The following SLC17A8 variants were observed in gnomAD, a reference collection of about 807,000 sequenced individuals.
The protein encoded by SLC17A8 is solute carrier family 17 member 8.
SLC17A8 carries 31 observed loss-of-function variants against 58.0 expected under a neutral mutation model. The observed-to-expected ratio is 0.53, with a 90% CI of 0.40 to 0.72. The LOEUF (loss-of-function observed/expected upper bound fraction) is 0.72. Among genes scored for constraint, SLC17A8 ranks in the 30% least tolerant of loss-of-function variants. The pLI is 0.00. For missense variants in SLC17A8, 655 were observed against 727.8 expected, an observed-to-expected ratio of 0.90 and a Z score of 1.15; for synonymous variants, 228 against 249.0, an observed-to-expected ratio of 0.92 and a Z score of 0.79.
chr12:100,402,812 G>T, intron 8 of SLC17A8, 67 bp downstream of exon 8: 2 of 1,463,256 alleles, frequency 1.4e-6, no homozygotes, highest in Non-Finnish European at 1.9e-6. Context: ...GAATAACTTT[G>T]TATGATAAAA....
At position 100,357,497 on chromosome 12, in the gene SLC17A8, A is replaced by C. The variant is rs369918682; in HGVS notation, c.101+5A>C. The C allele has an allele frequency of 1.3e-6, 2 of 1,575,020 alleles. No homozygotes were observed. Among genetic ancestry groups the C allele is most frequent in the African/African-American group, 1.3e-5 (1 of 74,084 alleles). ...TTCTTTGGGAATTTTACAAAGGTAA[A>C]GTTTGAATGCGAACTTTAGTTCCTT... On this transcript the variant is annotated splice_donor_5th_base_variant and intron_variant, in intron 1 of 11. Coordinates refer to ENST00000323346, the MANE Select transcript of SLC17A8 (RefSeq NM_139319.3).
At position 100,404,030 on chromosome 12, in the gene SLC17A8, C is replaced by A. The variant is rs374939585; in HGVS notation, c.1054-8C>A. On this transcript the variant is annotated splice_polypyrimidine_tract_variant and splice_region_variant and intron_variant, in intron 8 of 11. Coordinates refer to ENST00000323346, the MANE Select transcript of SLC17A8 (RefSeq NM_139319.3). The stretch of plus-strand genomic sequence containing the variant: ...TGACAAACTGCTTACTGTTTCTTTC[C>A]CTTCCAGGTGGGTCTCTTGTCAGCA... The A allele has an allele frequency of 1.7e-5, 27 of 1,613,958 alleles. No individual in the cohort carries two copies. The African/African-American group carries it at 3.6e-4, about 22-fold the overall frequency.
chr12:100,369,702 T>G (rs1170929296), intron 1 of SLC17A8, among the ~76,000 whole-genome samples: 1 of 152,248 alleles, frequency 6.6e-6, no homozygotes, highest in African/African-American at 2.4e-5. Context: ...TATTTTGTTT[T>G]GTTTTTGCTG....
chr12:100,418,243 C>T, intron 11 of SLC17A8, 87 bp downstream of exon 11: 2 of 1,534,036 alleles, frequency 1.3e-6, no homozygotes, highest in Non-Finnish European at 1.8e-6. Flanking sequence ...CTACTGCAGT[C>T]TGTAAATGTG....
At position 100,422,030 on chromosome 12, in the gene SLC17A8, TAAAATAA is replaced by T. The variant is rs1952953940; in HGVS notation, c.*1884_*1890del. 1 of 152,178 alleles carries T rather than the reference TAAAATAA, an allele frequency of 6.6e-6. No homozygotes were observed. The highest frequency in any genetic ancestry group is 1.5e-5 in the Non-Finnish European group (1 of 68,022). 9.4% of individuals were successfully genotyped at this position (152,178 alleles called of 1,614,324 possible). ...TGTGAAAGTTGTGCTGTTTTCTAAG[TAAAATAA>T]AAAATAAAAAATTAGCAATTTATGA... On this transcript the variant is annotated 3_prime_UTR_variant, in exon 12 of 12. Transcript: ENST00000323346.
chr12:100,391,619 T>C (rs900974942), intron 3 of SLC17A8, among the ~76,000 whole-genome samples: 11 of 152,284 alleles, frequency 7.2e-5, no homozygotes, highest in Non-Finnish European at 1.0e-4. Context: ...AGAGTTTCTT[T>C]TTATTTCGTT....
intron 1 of SLC17A8, among the ~76,000 whole-genome samples, chr12:100,359,331 G>A (rs907091636): frequency 2.6e-5 from 4 of 152,032 alleles, no homozygotes; most frequent in African/African-American, 4.8e-5. Context: ...TCGAAGAGCC[G>A]GTTTTGCTAT....
In SLC17A8 at chr12:100,390,353, A is replaced by ATT. The variant is rs36053003; in HGVS notation, c.355-638_355-637dup. Among the ~76,000 whole-genome samples, 588 of 147,534 alleles carry ATT rather than the reference A, an allele frequency of 4.0e-3. 8 individuals carry two copies. The highest frequency in any genetic ancestry group is 0.01 in the Middle Eastern group (3 of 288). The stretch of plus-strand genomic sequence containing the variant: ...GCAGGGACTTTTGTTTGTTTGTTTC[A>ATT]TTTTTTTTTTTGAGATGGAGTCTCA... On this transcript the variant is annotated intron_variant, in intron 2 of 11. Coordinates refer to ENST00000323346, the MANE Select transcript of SLC17A8 (RefSeq NM_139319.3).
At chr12:100,403,452 G>T (rs745892644) in intron 8 of SLC17A8, among the ~76,000 whole-genome samples, 1 of 149,340 alleles carries the variant, frequency 6.7e-6, no homozygotes, top group Non-Finnish European at 1.5e-5. Context: ...CTGGGCAACA[G>T]AGCAAGACTC....
chr12:100,365,966 G>A (rs774922157), intron 1 of SLC17A8, among the ~76,000 whole-genome samples: 138 of 151,518 alleles, frequency 9.1e-4, no homozygotes, highest in Non-Finnish European at 1.6e-3. Context: ...AATGGATATG[G>A]AAAGAATGCA....
In SLC17A8 at chr12:100,396,074, T is replaced by C. The variant is rs7960935; in HGVS notation, c.589-256T>C. 0.3 allele frequency among the ~76,000 whole-genome samples: 45,712 copies of C among 152,130 alleles called. 8,951 individuals carry two copies. Among genetic ancestry groups the C allele is most frequent in the Non-Finnish European group, 0.43 (28,946 of 67,958 alleles). On this transcript the variant is annotated intron_variant, in intron 4 of 11. Transcript: ENST00000323346. ...AGGGAGCTCTCTGGAGTTTCTTTTA[T>C]AAGGCACTAATCTCATTCATGAGGG...
At chr12:100,398,474 T>C (rs1430637405) in intron 5 of SLC17A8, among the ~76,000 whole-genome samples, 1 of 152,184 alleles carries the variant, frequency 6.6e-6, no homozygotes, top group Non-Finnish European at 1.5e-5. Context: ...CACTCCCCAT[T>C]CTTAGTGTGT....
intron 9 of SLC17A8, among the ~76,000 whole-genome samples, chr12:100,408,130 T>C (rs1566402646): frequency 6.6e-6 from 1 of 152,204 alleles, no homozygotes; most frequent in African/African-American, 2.4e-5. Flanking sequence ...GGCTTTTTGG[T>C]TTCCTACTAA....
intron 2 of SLC17A8, among the ~76,000 whole-genome samples, chr12:100,386,051 G>A (rs1452102373): frequency 3.3e-5 from 5 of 152,116 alleles, no homozygotes; most frequent in Non-Finnish European, 1.5e-5. Context: ...CTCCTATAAG[G>A]ACACTTGTCA....
intron 3 of SLC17A8, 90 bp downstream of exon 3, chr12:100,391,209 G>A (rs1253475983): frequency 6.6e-6 from 6 of 913,074 alleles, no homozygotes; most frequent in Non-Finnish European, 1.1e-5. Flanking sequence ...ATTTGGGGGT[G>A]CAGAATGAAA....
chr12:100,394,927 A>G (rs1408466733), intron 4 of SLC17A8, among the ~76,000 whole-genome samples: 2 of 150,844 alleles, frequency 1.3e-5, no homozygotes, highest in African/African-American at 4.9e-5. Context: ...TAAAAATGTA[A>G]GTTGTTATAT....
chr12:100,373,054 C>T (rs375154469), intron 1 of SLC17A8, among the ~76,000 whole-genome samples: 4 of 152,220 alleles, frequency 2.6e-5, no homozygotes, highest in African/African-American at 7.2e-5. Context: ...GGCAATTAGA[C>T]CCCTGGGGCT....
chr12:100,368,563 C>A (rs1402730487), intron 1 of SLC17A8, among the ~76,000 whole-genome samples: 3 of 152,198 alleles, frequency 2.0e-5, no homozygotes, highest in Non-Finnish European at 2.9e-5. Context: ...CCTTATCCAA[C>A]TTTATTACCC....
In SLC17A8 at chr12:100,412,491, T is replaced by G. The variant is rs192665460; in HGVS notation, c.1187-279T>G. Among the ~76,000 whole-genome samples the G allele has an allele frequency of 9.3e-4, 141 of 151,228 alleles. 1 individual carries two copies. Among genetic ancestry groups the G allele is most frequent in the East Asian group, 5.9e-3 (30 of 5,110 alleles). On this transcript the variant is annotated intron_variant, in intron 9 of 11. Transcript: ENST00000323346. ...GCCCAAAACCTAGATGATGGGTTGA[T>G]AGGTGGAGCAAACCATCATGGCACA...
Sources: gnomAD v4.1 joint callset for allele counts (sites outside exome capture counted in the v4.1 genomes callset) on GRCh38, gnomAD v4.1.1 for gene constraint, MANE v1.5 for transcripts, NCBI Gene and HGNC (gene_info 2026-07-23, HGNC 2026-07-21) for gene names.